Variants in LARGE1 observed in about 807,000 individuals in gnomAD.
The protein encoded by LARGE1 is LARGE xylosyl- and glucuronyltransferase 1.
LARGE1 carries 43 observed loss-of-function variants against 87.6 expected under a neutral mutation model. That is an observed-to-expected ratio of 0.49 (90% CI 0.38 to 0.63). LARGE1 has a LOEUF of 0.63. Among genes scored for constraint, LARGE1 ranks in the 30% least tolerant of loss-of-function variants. LARGE1 has a pLI of 0.00. For missense variants in LARGE1, 802 were observed against 1,000.2 expected (o/e 0.80, Z 2.67); for synonymous variants, 434 against 394.6 (o/e 1.10, Z -1.18).
intron 6 of LARGE1, among the ~76,000 whole-genome samples, chr22:33,512,688 A>C (rs2071112440): frequency 1.3e-5 from 2 of 152,214 alleles, no homozygotes; most frequent in African/African-American, 4.8e-5. Flanking sequence ...CTGTAATCCC[A>C]GCTACTCGGG....
rs533565859 is a variant in LARGE1, at chr22:33,246,372, G to A, written c.1730+57857C>T. 8.5e-5 allele frequency among the ~76,000 whole-genome samples: 13 copies of A among 152,286 alleles called. No individual in the cohort carries two copies. The East Asian group carries it at 9.7e-4, about 11-fold the overall frequency. ...ATTTTACAAAGTAAAGTGGCCAGGC[G>A]CGGTGGCTCACCCCTTTAATCCTAG... On this transcript the variant is annotated intron_variant, in intron 11 of 11. Transcript: ENST00000608642.
intron 1 of LARGE1, among the ~76,000 whole-genome samples, chr22:33,803,219 G>A (rs1355469345): frequency 6.6e-6 from 1 of 151,938 alleles, no homozygotes; most frequent in Non-Finnish European, 1.5e-5. Context: ...ATGTTCTAGG[G>A]GTTCTGCTTC....
At chr22:33,702,590 T>G (rs2082433391) in intron 2 of LARGE1, among the ~76,000 whole-genome samples, 1 of 152,154 alleles carries the variant, frequency 6.6e-6, no homozygotes, top group South Asian at 2.1e-4. Context: ...GACTGCAGTT[T>G]CTAGGAGGAA....
chr22:33,261,531 T>A (rs1465657954), intron 11 of LARGE1, among the ~76,000 whole-genome samples: 3 of 152,036 alleles, frequency 2.0e-5, no homozygotes, highest in Non-Finnish European at 4.4e-5. Context: ...GTGAAAATCT[T>A]GTTTCTTTTA....
intron 1 of LARGE1, among the ~76,000 whole-genome samples, chr22:33,780,601 C>T (rs1029442835): frequency 2.0e-5 from 3 of 152,304 alleles, no homozygotes; most frequent in Admixed American, 6.5e-5. Context: ...AACACAGCCT[C>T]TCTGAATTTC....
At chr22:33,087,374 A>G in the LARGE1 span, among the ~76,000 whole-genome samples, 1 of 152,176 alleles carries the variant, frequency 6.6e-6, no homozygotes, top group Non-Finnish European at 1.5e-5. Flanking sequence ...AAAACATTCA[A>G]AGATACATGT....
intron 4 of LARGE1, among the ~76,000 whole-genome samples, chr22:33,613,446 G>T (rs558232114): frequency 6.6e-6 from 1 of 152,260 alleles, no homozygotes; most frequent in African/African-American, 2.4e-5. Context: ...CATCCCACAG[G>T]TCCCTGGGAA....
intron 6 of LARGE1, among the ~76,000 whole-genome samples, chr22:33,466,703 CACACACACACAT>C (rs901497044): frequency 5.3e-5 from 8 of 150,320 alleles, no homozygotes; most frequent in African/African-American, 1.2e-4. Context: ...TACACACACA[CACACACACACAT>C]ACACACACAC....
intron 1 of LARGE1, among the ~76,000 whole-genome samples, chr22:33,767,204 C>A (rs990351195): frequency 2.0e-5 from 3 of 150,748 alleles, no homozygotes; most frequent in Admixed American, 2.0e-4. Flanking sequence ...TGCCTGTAAT[C>A]CCAGCTACTG....
chr22:33,852,764 G>C (rs868697066), intron 1 of LARGE1, among the ~76,000 whole-genome samples: 26 of 149,284 alleles, frequency 1.7e-4, no homozygotes, highest in African/African-American at 6.4e-4. Context: ...GCTGAGGCAG[G>C]AGAATTGCTT....
chr22:33,904,306 C>G (rs2065371338), intron 1 of LARGE1, among the ~76,000 whole-genome samples: 1 of 152,156 alleles, frequency 6.6e-6, no homozygotes, highest in Non-Finnish European at 1.5e-5. Flanking sequence ...CAGGCGTGTG[C>G]CACCACGCTT....
chr22:33,163,019 T>C (rs1369647009), exon 12 of LARGE1: 1 of 152,238 alleles, frequency 6.6e-6, no homozygotes, highest in East Asian at 1.9e-4. Flanking sequence ...CATGTCTATG[T>C]TGTAATTGCA....
chr22:33,858,915 A>G (rs2063834028), intron 1 of LARGE1, among the ~76,000 whole-genome samples: 2 of 152,012 alleles, frequency 1.3e-5, no homozygotes, highest in Non-Finnish European at 2.9e-5. Context: ...GCTGGAAACC[A>G]TCATTCTCAG....
chr22:33,459,489 G>C (rs1369579757), intron 6 of LARGE1, among the ~76,000 whole-genome samples: 1 of 144,386 alleles, frequency 6.9e-6, no homozygotes, highest in African/African-American at 2.6e-5. Context: ...GCACAGCTCT[G>C]GGTTGTGAAA....
At chr22:33,644,382 C>CT (rs2080541382) in intron 3 of LARGE1, among the ~76,000 whole-genome samples, 2 of 152,148 alleles carry the variant, frequency 1.3e-5, no homozygotes, top group African/African-American at 4.8e-5. Context: ...TAAAAACACT[C>CT]AATAAACTAG....
intron 11 of LARGE1, among the ~76,000 whole-genome samples, chr22:33,230,666 A>G (rs1460727322): frequency 6.6e-6 from 1 of 151,012 alleles, no homozygotes; most frequent in Non-Finnish European, 1.5e-5. Context: ...TGGGTGGGTT[A>G]TTGGACTGGC....
At chr22:33,474,252 C>T (rs1367231821) in intron 6 of LARGE1, among the ~76,000 whole-genome samples, 1 of 152,174 alleles carries the variant, frequency 6.6e-6, no homozygotes, top group Non-Finnish European at 1.5e-5. Flanking sequence ...CAACCTCCGC[C>T]TCCCAGGTTC....
intron 2 of LARGE1, among the ~76,000 whole-genome samples, chr22:33,748,064 A>G (rs2084164674): frequency 7.2e-6 from 1 of 138,640 alleles, no homozygotes. Flanking sequence ...CCAACTATCC[A>G]TTATCTAAGG....
At chr22:33,541,052 T>TGGG (rs1569252166) in intron 6 of LARGE1, among the ~76,000 whole-genome samples, 1 of 25,324 alleles carries the variant, frequency 3.9e-5, no homozygotes, top group Non-Finnish European at 8.1e-5. Flanking sequence ...GGTGGTGGGT[T>TGGG]GCGGGGGGGG....
Sources: allele counts gnomAD v4.1 joint callset (sites outside exome capture counted in the v4.1 genomes callset), GRCh38; gene constraint gnomAD v4.1.1; transcripts MANE v1.5; gene names NCBI Gene and HGNC (gene_info 2026-07-23, HGNC 2026-07-21).